CHST15: variants seen among roughly 807,000 people sequenced by gnomAD.
CHST15 encodes the protein carbohydrate sulfotransferase 15.
A neutral mutation model predicts 53.6 loss-of-function variants in CHST15; 30 were observed. The ratio of observed to expected loss-of-function variants is 0.56; its 90% CI spans 0.42 to 0.76. The LOEUF (loss-of-function observed/expected upper bound fraction) is 0.76, where lower values mean the gene tolerates loss of function less well. Among genes scored for constraint, CHST15 ranks in the 30% least tolerant of loss-of-function variants. The pLI is 0.00. For missense variants in CHST15, 627 were observed against 740.5 expected (o/e 0.85, Z 1.78); for synonymous variants, 296 against 289.8 (o/e 1.02, Z -0.22).
intron 6 of CHST15, among the ~76,000 whole-genome samples, chr10:124,017,985 T>TG (rs1946644215): frequency 6.6e-6 from 1 of 152,228 alleles, no homozygotes; most frequent in Non-Finnish European, 1.5e-5. Flanking sequence ...CCTGGCCGGC[T>TG]GGGGCCGGGA....
At chr10:124,034,681 C>T (rs1460647331) in intron 5 of CHST15, among the ~76,000 whole-genome samples, 2 of 116,388 alleles carry the variant, frequency 1.7e-5, no homozygotes, top group African/African-American at 3.3e-5. Flanking sequence ...TACCCCCTAA[C>T]AGGGACCCCG....
At chr10:124,028,413 G>A (rs1185762353) in intron 5 of CHST15, among the ~76,000 whole-genome samples, 1 of 152,228 alleles carries the variant, frequency 6.6e-6, no homozygotes, top group African/African-American at 2.4e-5. Context: ...TCTCCCCATA[G>A]TGGGTTCCTC....
At chr10:124,057,524 C>A (rs572105438) in intron 1 of CHST15, among the ~76,000 whole-genome samples, 1 of 152,310 alleles carries the variant, frequency 6.6e-6, no homozygotes, top group East Asian at 1.9e-4. Context: ...TCCGTTCGTA[C>A]AGACAAATAA....
At position 124,074,487 on chromosome 10, in the gene CHST15, C is replaced by T. The variant is rs988408244; in HGVS notation, c.-513+18982G>A. 3.3e-5 allele frequency among the ~76,000 whole-genome samples: 5 copies of T among 152,176 alleles called. No homozygotes were observed. The highest frequency in any genetic ancestry group is 5.9e-5 in the Non-Finnish European group (4 of 68,050). On this transcript the variant is annotated intron_variant, in intron 1 of 7. Coordinates refer to ENST00000435907, the MANE Select transcript of CHST15 (RefSeq NM_001270764.2). This position sits in a 1 kb window ranked among gnomAD's most constrained non-coding sequence, Gnocchi z 4.4. ...GTCTCTAGAAACAAGGATTCTAGCA[C>T]ATTCTAAGCCTTAAAATGAGAACTC...
Position 124,038,636 on chromosome 10 carries a change from CATT to C in CHST15, c.1066_1068del (p.Asn356del). On this transcript the variant is annotated inframe_deletion, in exon 5 of 8. Transcript: ENST00000435907. ...CTGTTGTCGTAGAAGAACGTCCAGG[CATT>C]ATTATCCCACATCGTGGAGGCACTG... 3 of 1,614,182 alleles carry C rather than the reference CATT, an allele frequency of 1.9e-6. No homozygotes were observed. The highest frequency in any genetic ancestry group is 2.5e-6 in the Non-Finnish European group (3 of 1,180,046).
At chr10:124,043,072 T>C (rs943344052) in intron 3 of CHST15, among the ~76,000 whole-genome samples, 7 of 152,138 alleles carry the variant, frequency 4.6e-5, no homozygotes, top group Non-Finnish European at 8.8e-5. Flanking sequence ...ACCCCCTGCC[T>C]GAAAAATAAA....
intron 1 of CHST15, among the ~76,000 whole-genome samples, chr10:124,084,646 C>A (rs771627522): frequency 6.6e-6 from 1 of 152,192 alleles, no homozygotes; most frequent in Non-Finnish European, 1.5e-5. Flanking sequence ...GAGGAAGACA[C>A]CACACAGAGG....
At chr10:124,016,554 G>A (rs897752051) in intron 6 of CHST15, among the ~76,000 whole-genome samples, 3 of 152,108 alleles carry the variant, frequency 2.0e-5, no homozygotes, top group Admixed American at 6.5e-5. Context: ...ACGCAAAATT[G>A]AGCATAAAAG....
chr10:124,021,236 C>CGTGG lies in CHST15; in HGVS notation c.1347+19_1347+20insCCAC. The stretch of plus-strand genomic sequence containing the variant: ...CTGCCAGGGGCCAGCTCGGGGGGTA[C>CGTGG]GGGGGGGGGGGGTACACACAGGCAT... On this transcript the variant is annotated intron_variant, in intron 6 of 7. Coordinates refer to ENST00000435907, the MANE Select transcript of CHST15 (RefSeq NM_001270764.2). 7.8e-7 allele frequency: 1 copy of CGTGG among 1,286,772 alleles called. No homozygotes were observed. The highest frequency in any genetic ancestry group is 1.1e-6 in the Non-Finnish European group (1 of 950,102). 79.7% of individuals were successfully genotyped at this position (1,286,772 alleles called of 1,614,324 possible). A position where few individuals can be genotyped will look rare whatever the true frequency, so the allele number is the denominator to read the frequency against.
chr10:124,015,279 G>A (rs1449593816), intron 6 of CHST15, among the ~76,000 whole-genome samples: 3 of 151,622 alleles, frequency 2.0e-5, no homozygotes, highest in South Asian at 2.1e-4. Flanking sequence ...AATAAAAAGC[G>A]TATTTAGGGC....
Position 124,021,367 on chromosome 10 carries a change from C to T in CHST15, c.1236G>A (p.Ala412=), listed in dbSNP as rs375535263. Residue 412 remains alanine (A), a synonymous_variant, in exon 6 of 8, where the codon GCG becomes GCA. Coordinates refer to ENST00000435907, the MANE Select transcript of CHST15 (RefSeq NM_001270764.2). The stretch of plus-strand genomic sequence containing the variant: ...CTGTCACTTTCTCATGGAAGTCGTC[C>T]GCGGATTTATTCGAACTTGCAAAGT... ...YLYFASSNKS[A]DDFHEKVTEA... 1.1e-4 allele frequency: 185 copies of T among 1,613,832 alleles called. No individual in the cohort carries two copies. The highest frequency in any genetic ancestry group is 3.3e-4 in the Middle Eastern group (2 of 6,082).
intron 1 of CHST15, among the ~76,000 whole-genome samples, chr10:124,071,378 G>A (rs1352285283): frequency 6.6e-6 from 1 of 152,172 alleles, no homozygotes; most frequent in Non-Finnish European, 1.5e-5. Flanking sequence ...CTGCTCCCAC[G>A]TGAGCCAAAC....
intron 1 of CHST15, among the ~76,000 whole-genome samples, chr10:124,059,340 CTGTGG>C (rs1357501083): frequency 1.3e-5 from 2 of 152,212 alleles, no homozygotes; most frequent in Non-Finnish European, 2.9e-5. Flanking sequence ...GTCATTCTGG[CTGTGG>C]TGTATTTAGA....
intron 4 of CHST15, among the ~76,000 whole-genome samples, chr10:124,039,634 A>T (rs1038653106): frequency 4.5e-4 from 68 of 152,224 alleles, no homozygotes; most frequent in African/African-American, 1.6e-3. Flanking sequence ...TCACGAGTGA[A>T]GGATGTAAAT....
chr10:124,041,080 C>A (rs1947718170), intron 4 of CHST15, among the ~76,000 whole-genome samples: 1 of 152,050 alleles, frequency 6.6e-6, no homozygotes, highest in Non-Finnish European at 1.5e-5. Flanking sequence ...TAGATAACAG[C>A]CAAATCATAC....
intron 1 of CHST15, among the ~76,000 whole-genome samples, chr10:124,077,442 G>T (rs1949113026): frequency 6.6e-6 from 1 of 152,164 alleles, no homozygotes; most frequent in African/African-American, 2.4e-5. Flanking sequence ...CCAGAGTCCA[G>T]ACCATCCCTG....
At chr10:124,055,677 G>A (rs28664991) in intron 1 of CHST15, among the ~76,000 whole-genome samples, 42,003 of 152,042 alleles carry the variant, frequency 0.28, 5,948 homozygotes, top group Middle Eastern at 0.39. Context: ...CGAGCCTGGC[G>A]CAGCTGTGGG....
intron 7 of CHST15, chr10:124,011,143 G>T: frequency 1.1e-6 from 1 of 927,312 alleles, no homozygotes; most frequent in Non-Finnish European, 1.3e-6. Context: ...CAAGGGCTGC[G>T]ACCCCAACGC....
chr10:124,032,089 A>G (rs1385694808), intron 5 of CHST15, among the ~76,000 whole-genome samples: 2 of 152,350 alleles, frequency 1.3e-5, no homozygotes, highest in Non-Finnish European at 1.5e-5. Context: ...CCATTTCATT[A>G]AAAGCCTGCT....
Sources: gnomAD v4.1 joint callset for allele counts (sites outside exome capture counted in the v4.1 genomes callset) on GRCh38, gnomAD v4.1.1 for gene constraint, Gnocchi (gnomAD v3.1) non-coding constraint, MANE v1.5 for transcripts, NCBI Gene and HGNC (gene_info 2026-07-23, HGNC 2026-07-21) for gene names.